Variants in CADPS2 observed in about 807,000 individuals in gnomAD.
The protein encoded by CADPS2 is calcium-dependent secretion activator 2.
Under a neutral mutation model 172.5 loss-of-function variants are expected in CADPS2, and 93 were observed. The observed-to-expected ratio is 0.54, with a 90% CI of 0.46 to 0.64. The LOEUF is 0.64. Ranked by LOEUF, CADPS2 falls within the 30% of genes least tolerant of loss-of-function variation. CADPS2 has a pLI of 0.00. For synonymous variants in CADPS2, 546 were observed against 555.2 expected, an observed-to-expected ratio of 0.98 and a Z score of 0.23; for missense variants, 1,420 against 1,565.9, an observed-to-expected ratio of 0.91 and a Z score of 1.57.
chr7:122,453,552 A>G (rs542554985), intron 14 of CADPS2, among the ~76,000 whole-genome samples: 1 of 152,338 alleles, frequency 6.6e-6, no homozygotes, highest in Non-Finnish European at 1.5e-5. Context: ...CCATAAAGTT[A>G]TGGGTGATTA....
At chr7:122,561,175 A>G (rs1401525685) in intron 7 of CADPS2, among the ~76,000 whole-genome samples, 1 of 152,130 alleles carries the variant, frequency 6.6e-6, no homozygotes, top group Non-Finnish European at 1.5e-5. Flanking sequence ...AATCTTGTCA[A>G]CCTTATTTTC....
rs1448598046 is a variant in CADPS2, at chr7:122,515,834, AAAAT to A, written c.1476-2523_1476-2520del. On this transcript the variant is annotated intron_variant, in intron 8 of 29. Transcript: ENST00000449022. The stretch of plus-strand genomic sequence containing the variant: ...AAAGTATAATAAAAAAATTAATTAA[AAAAT>A]AATAATAATTATATGTATTTAAGAT... 9.0e-4 allele frequency among the ~76,000 whole-genome samples: 123 copies of A among 136,206 alleles called. 1 individual carries two copies. The highest frequency in any genetic ancestry group is 4.7e-3 in the South Asian group (20 of 4,264). 89.4% of individuals were successfully genotyped at this position (136,206 alleles called of 152,430 possible).
chr7:122,454,114 C>A (rs1399855028), intron 14 of CADPS2, among the ~76,000 whole-genome samples: 1 of 152,194 alleles, frequency 6.6e-6, no homozygotes, highest in Admixed American at 6.5e-5. Flanking sequence ...GTTCCTCCTA[C>A]AATAATTCTT....
intron 19 of CADPS2, among the ~76,000 whole-genome samples, chr7:122,411,223 CTTT>C (rs560751027): frequency 1.4e-5 from 2 of 141,454 alleles, no homozygotes; most frequent in Admixed American, 7.1e-5. Context: ...CCTTTGATTA[CTTT>C]TTTTTTTTTT....
chr7:122,683,815 T>C (rs192814615), intron 2 of CADPS2, among the ~76,000 whole-genome samples: 149 of 152,104 alleles, frequency 9.8e-4, no homozygotes, highest in African/African-American at 3.4e-3. Flanking sequence ...TCCCCAAGTC[T>C]ACATGGGTTT....
At position 122,480,795 on chromosome 7, in the gene CADPS2, T is replaced by C. The variant is rs373083760; in HGVS notation, c.1861+57A>G. 5.1e-5 allele frequency: 60 copies of C among 1,173,292 alleles called. No homozygotes were observed. In the Middle Eastern group the frequency reaches 8.0e-4, roughly 16 times the overall value. 72.7% of individuals were successfully genotyped at this position (1,173,292 alleles called of 1,614,324 possible). ...ACAAGATCATGATATTCCTCAAACATAGTATCATTAAAAATTTTTTAAAAC... is the reference window on the plus strand; with the variant it reads ...ACAAGATCATGATATTCCTCAAACACAGTATCATTAAAAATTTTTTAAAAC... On this transcript the variant is annotated intron_variant, in intron 12 of 29. Coordinates refer to ENST00000449022, the MANE Select transcript of CADPS2 (RefSeq NM_017954.11).
At chr7:122,614,673 G>C (rs1435892510) in intron 6 of CADPS2, among the ~76,000 whole-genome samples, 1 of 151,950 alleles carries the variant, frequency 6.6e-6, no homozygotes, top group Non-Finnish European at 1.5e-5. Context: ...TCAAACTGTT[G>C]GCAAAAAGCA....
intron 19 of CADPS2, among the ~76,000 whole-genome samples, chr7:122,410,906 T>C (rs1417985611): frequency 6.6e-6 from 1 of 152,236 alleles, no homozygotes; most frequent in Non-Finnish European, 1.5e-5. Flanking sequence ...TTATTTCAGG[T>C]AGATTGTACA....
At chr7:122,758,145 G>C (rs1396204219) in intron 1 of CADPS2, among the ~76,000 whole-genome samples, 1 of 152,030 alleles carries the variant, frequency 6.6e-6, no homozygotes, top group East Asian at 1.9e-4. Flanking sequence ...TAAAATGTTG[G>C]TTATTAATAT....
intron 2 of CADPS2, among the ~76,000 whole-genome samples, chr7:122,705,650 T>C (rs1370093281): frequency 1.0e-5 from 1 of 97,228 alleles, no homozygotes; most frequent in Non-Finnish European, 1.9e-5. Flanking sequence ...ATATATTATA[T>C]AATATATCTC....
chr7:122,831,652 C>A (rs1367196386), intron 1 of CADPS2, among the ~76,000 whole-genome samples: 1 of 152,162 alleles, frequency 6.6e-6, no homozygotes, highest in African/African-American at 2.4e-5. Flanking sequence ...TCAGCACAGG[C>A]CAAAGCCTGT....
intron 2 of CADPS2, among the ~76,000 whole-genome samples, chr7:122,679,925 T>C (rs1414293405): frequency 6.6e-6 from 1 of 152,208 alleles, no homozygotes; most frequent in East Asian, 1.9e-4. Context: ...GGTTTAGTTT[T>C]AGAGAGGGAC....
intron 9 of CADPS2, among the ~76,000 whole-genome samples, chr7:122,506,263 C>A (rs577497637): frequency 2.6e-4 from 40 of 152,238 alleles, no homozygotes; most frequent in Middle Eastern, 3.4e-3. Flanking sequence ...AAATTGAAAT[C>A]GAAAATCCCT....
At chr7:122,734,571 T>A (rs182818369) in intron 2 of CADPS2, among the ~76,000 whole-genome samples, 29 of 151,684 alleles carry the variant, frequency 1.9e-4, no homozygotes, top group African/African-American at 6.8e-4. Context: ...TCTGGTAAAC[T>A]ATAAAAATTA....
intron 9 of CADPS2, among the ~76,000 whole-genome samples, chr7:122,494,802 A>AC (rs1457653980): frequency 6.6e-6 from 1 of 151,822 alleles, no homozygotes; most frequent in African/African-American, 2.4e-5. Context: ...GTCTTTCCTC[A>AC]TCTTACAGAC....
chr7:122,669,804 C>T (rs573699531), intron 2 of CADPS2, among the ~76,000 whole-genome samples: 4 of 152,112 alleles, frequency 2.6e-5, no homozygotes, highest in African/African-American at 7.2e-5. Context: ...TATTACCTCA[C>T]ATCTCTCCTT....
chr7:122,716,382 C>CA, intron 2 of CADPS2, among the ~76,000 whole-genome samples: 1 of 152,190 alleles, frequency 6.6e-6, no homozygotes, highest in Middle Eastern at 3.4e-3. Flanking sequence ...CCATCACTAC[C>CA]AAAAAGGCAG....
Position 122,471,492 on chromosome 7 carries a change from T to C in CADPS2, c.2069A>G (p.His690Arg). Residue 690 changes from histidine to arginine, a missense_variant, in exon 14 of 30, where the codon CAC becomes CGC. Coordinates refer to ENST00000449022, the MANE Select transcript of CADPS2 (RefSeq NM_017954.11). The stretch of plus-strand genomic sequence containing the variant: ...TTCTGCAAGGTAGCAGAGATGTCTG[T>C]GACAGCCTCTCACACCATAACGGGC... ...YCARYGVRGC[H>R]RHLCYLAELM... 6.2e-7 allele frequency: 1 copy of C among 1,612,818 alleles called. No homozygotes were observed. Among genetic ancestry groups the C allele is most frequent in the Non-Finnish European group, 8.5e-7 (1 of 1,179,438 alleles).
intron 8 of CADPS2, among the ~76,000 whole-genome samples, chr7:122,534,345 T>A (rs1291713203): frequency 6.6e-6 from 1 of 152,110 alleles, no homozygotes; most frequent in African/African-American, 2.4e-5. Context: ...TCAAGACTAT[T>A]TCAACAATGC....
Sources: gnomAD v4.1 joint callset for allele counts (sites outside exome capture counted in the v4.1 genomes callset) on GRCh38, gnomAD v4.1.1 for gene constraint, MANE v1.5 for transcripts, NCBI Gene and HGNC (gene_info 2026-07-23, HGNC 2026-07-21) for gene names.